Variants in OSBPL9 observed in about 807,000 individuals in gnomAD.
The protein encoded by OSBPL9 is oxysterol binding protein like 9.
A neutral mutation model predicts 106.6 loss-of-function variants in OSBPL9; 40 were observed. That is an observed-to-expected ratio of 0.38 (90% CI 0.29 to 0.49). OSBPL9 has a LOEUF of 0.49. OSBPL9 is among the 20% of genes least tolerant of loss of function. The pLI is 0.97. For missense variants in OSBPL9, 609 were observed against 887.2 expected, an observed-to-expected ratio of 0.69 and a Z score of 3.98; for synonymous variants, 269 against 295.4, an observed-to-expected ratio of 0.91 and a Z score of 0.92.
intron 2 of OSBPL9, among the ~76,000 whole-genome samples, chr1:51,666,954 T>A (rs1396049626): frequency 3.3e-5 from 5 of 152,222 alleles, no homozygotes; most frequent in African/African-American, 1.2e-4. Context: ...GCAGGCAGAT[T>A]GTTACCAAAC....
Position 51,732,611 on chromosome 1 carries a change from A to G in OSBPL9, c.319-12925A>G, listed in dbSNP as rs147077542. On this transcript the variant is annotated intron_variant, in intron 4 of 23. Transcript: ENST00000428468. ...CACCAGGTCCTGTTATGTTTGCCTTAGTAATATTTTTCAGATTCGTCACTT... is the reference window on the plus strand; with the variant it reads ...CACCAGGTCCTGTTATGTTTGCCTTGGTAATATTTTTCAGATTCGTCACTT... 2.6e-5 allele frequency among the ~76,000 whole-genome samples: 4 copies of G among 152,218 alleles called. No homozygotes were observed. The East Asian group carries it at 7.7e-4, about 29-fold the overall frequency.
chr1:51,606,277 G>T (rs994865808), intron 2 of OSBPL9, among the ~76,000 whole-genome samples: 1 of 152,178 alleles, frequency 6.6e-6, no homozygotes, highest in South Asian at 2.1e-4. Context: ...ATGTGTTGCC[G>T]TGTGTGGCAA....
At chr1:51,657,032 A>G (rs939776950) in intron 2 of OSBPL9, among the ~76,000 whole-genome samples, 2 of 152,164 alleles carry the variant, frequency 1.3e-5, no homozygotes, top group Non-Finnish European at 2.9e-5. Context: ...ACATTGTATT[A>G]CATGTTAATT....
chr1:51,608,859 G>GA (rs141877248), intron 2 of OSBPL9, among the ~76,000 whole-genome samples: 39 of 148,670 alleles, frequency 2.6e-4, no homozygotes, highest in Admixed American at 1.2e-3. Flanking sequence ...ATTGCTGGGG[G>GA]AAAAAAAAAA....
intron 4 of OSBPL9, among the ~76,000 whole-genome samples, chr1:51,717,749 A>G (rs553010929): frequency 6.6e-6 from 1 of 152,084 alleles, no homozygotes; most frequent in East Asian, 1.9e-4. Context: ...GAACCCACAT[A>G]CACTATTAGT....
the OSBPL9 span, among the ~76,000 whole-genome samples, chr1:51,529,233 T>C: frequency 1.3e-5 from 2 of 151,734 alleles, no homozygotes; most frequent in African/African-American, 4.8e-5. Context: ...GGAAGACTCA[T>C]GCTTCCTGAT....
Position 51,729,999 on chromosome 1 carries a change from G to A in OSBPL9, c.319-15537G>A. ...AATGGCTTTCTTGCTGGCCACTTGCGGAGTGAGTAGACCCCGAGGGTCTGG... is the reference window on the plus strand; with the variant it reads ...AATGGCTTTCTTGCTGGCCACTTGCAGAGTGAGTAGACCCCGAGGGTCTGG... On this transcript the variant is annotated intron_variant, in intron 4 of 23. Transcript: ENST00000428468. The surrounding 1 kb of genome is among the most constrained non-coding windows in gnomAD (Gnocchi z 5.1). 1 of 1,316,098 alleles carries A rather than the reference G, an allele frequency of 7.6e-7. No individual in the cohort carries two copies. The highest frequency in any genetic ancestry group is 9.8e-7 in the Non-Finnish European group (1 of 1,024,498). The allele number at this position is 1,316,098 out of a possible 1,614,324, so 81.5% of individuals were successfully genotyped here.
chr1:51,567,557 T>C, the OSBPL9 span: 1 of 152,200 alleles, frequency 6.6e-6, no homozygotes, highest in Non-Finnish European at 1.5e-5. Context: ...GAGGACCTCA[T>C]ATAACTTCTT....
chr1:51,706,859 TA>T (rs1382996393), intron 3 of OSBPL9, among the ~76,000 whole-genome samples: 1 of 152,188 alleles, frequency 6.6e-6, no homozygotes, highest in Non-Finnish European at 1.5e-5. Context: ...TATTTATTTT[TA>T]AAAATTCCAA....
At chr1:51,689,850 G>A (rs1654595482) in intron 3 of OSBPL9, among the ~76,000 whole-genome samples, 1 of 152,142 alleles carries the variant, frequency 6.6e-6, no homozygotes, top group East Asian at 1.9e-4. Flanking sequence ...CTCTGTATCT[G>A]ATGAGTTACC....
chr1:51,685,538 G>T (rs543667605), intron 3 of OSBPL9, among the ~76,000 whole-genome samples: 54 of 152,202 alleles, frequency 3.5e-4, no homozygotes, highest in African/African-American at 1.3e-3. Context: ...CTCCCAAGTA[G>T]CTGGGATTAT....
At chr1:51,740,115 TTC>T (rs1557775468) in intron 4 of OSBPL9, 10 of 1,549,290 alleles carry the variant, frequency 6.5e-6, no homozygotes, top group Non-Finnish European at 8.7e-6. Flanking sequence ...TAACTTTCTA[TTC>T]TCTCTTTTCC....
At chr1:51,680,396 G>A (rs1367114305) in intron 3 of OSBPL9, among the ~76,000 whole-genome samples, 1 of 152,036 alleles carries the variant, frequency 6.6e-6, no homozygotes, top group African/African-American at 2.4e-5. Flanking sequence ...GCTCACGCCT[G>A]TAATCCCAGC....
intron 3 of OSBPL9, among the ~76,000 whole-genome samples, chr1:51,675,405 AGT>A (rs61005283): frequency 1.1e-4 from 16 of 149,190 alleles, no homozygotes; most frequent in African/African-American, 9.8e-5. Flanking sequence ...AATGGGGTTG[AGT>A]GTGTGTGTGT....
intron 1 of OSBPL9, chr1:51,594,869 C>G (rs1263664364): frequency 6.6e-6 from 1 of 152,278 alleles, no homozygotes; most frequent in Non-Finnish European, 1.5e-5. Context: ...CTGCTTACCC[C>G]CGTCTTTGAA....
At chr1:51,761,696 G>T (rs79510794) in intron 10 of OSBPL9, among the ~76,000 whole-genome samples, 171 bp from the exon 11 acceptor site, 1,950 of 152,218 alleles carry the variant, frequency 0.013, 41 homozygotes, top group African/African-American at 0.042. Context: ...TATCATCATT[G>T]AGTTTAAGAG....
intron 8 of OSBPL9, among the ~76,000 whole-genome samples, chr1:51,754,454 A>G (rs1159883344): frequency 6.6e-6 from 1 of 152,132 alleles, no homozygotes; most frequent in Non-Finnish European, 1.5e-5. Flanking sequence ...GACTATTAAC[A>G]TTTTTCAAGG....
chr1:51,741,132 G>C (rs1406194019), intron 4 of OSBPL9, among the ~76,000 whole-genome samples: 1 of 152,146 alleles, frequency 6.6e-6, no homozygotes, highest in African/African-American at 2.4e-5. Context: ...TCTGAAAAAA[G>C]TAGTGTTATT....
chr1:51,760,522 C>T lies in OSBPL9; in HGVS notation c.583-168C>T, dbSNP rs1447726624. The T allele has an allele frequency of 9.9e-6, 9 of 912,618 alleles. No individual in the cohort carries two copies. The African/African-American group carries it at 1.5e-4, about 16-fold the overall frequency. The allele number at this position is 912,618 out of a possible 1,614,324, so 56.5% of individuals were successfully genotyped here. A position where few individuals can be genotyped will look rare whatever the true frequency, so the allele number is the denominator to read the frequency against. Reference sequence around the variant, plus strand: ...TCTTTCCTTACTATGCTTTAAGCAACTCTTACACTTCTGTATAGAAAAGGT... The same window carrying T: ...TCTTTCCTTACTATGCTTTAAGCAATTCTTACACTTCTGTATAGAAAAGGT... On this transcript the variant is annotated intron_variant, in intron 9 of 23. Transcript: ENST00000428468.
Sources: allele counts gnomAD v4.1 joint callset (sites outside exome capture counted in the v4.1 genomes callset), GRCh38; gene constraint gnomAD v4.1.1; non-coding constraint Gnocchi (gnomAD v3.1); transcripts MANE v1.5; gene names NCBI Gene and HGNC (gene_info 2026-07-23, HGNC 2026-07-21).